STX12: variants seen among roughly 807,000 people sequenced by gnomAD.
STX12 encodes syntaxin 12.
A neutral mutation model predicts 42.2 loss-of-function variants in STX12; 17 were observed. The observed-to-expected ratio is 0.40, with a 90% CI of 0.28 to 0.60. The LOEUF is 0.60. Among genes scored for constraint, STX12 ranks in the 20% least tolerant of loss-of-function variants. The pLI, the probability that STX12 is intolerant of heterozygous loss-of-function variation, is 0.39. For synonymous variants in STX12, 108 were observed against 116.7 expected (o/e 0.93, Z 0.48); for missense variants, 297 against 330.9 (o/e 0.90, Z 0.79).
At chr1:27,775,741 T>C (rs528524434) in intron 1 of STX12, among the ~76,000 whole-genome samples, 3 of 152,290 alleles carry the variant, frequency 2.0e-5, no homozygotes, top group African/African-American at 7.2e-5. Context: ...TGTTTTTAAT[T>C]GAGAAGGCAT....
rs1451863560 is a variant in STX12 at position 27,819,692 on chromosome 1, A to C, written c.692A>C (p.Glu231Ala). The C allele has an allele frequency of 1.1e-5, 18 of 1,613,888 alleles. No individual in the cohort carries two copies. The highest frequency in any genetic ancestry group is 1.4e-5 in the Non-Finnish European group (17 of 1,179,900). ...ANVESSEVHV[E>A]RATEQLQRAA... ...GTGGAAAGCTCAGAGGTGCACGTCG[A>C]AAGAGCCACTGAACAGTTACAGCGA... Residue 231 changes from glutamate (E) to alanine (A), a missense_variant, in exon 8 of 9, where the codon GAA becomes GCA. Glu to Ala is a moderately radical substitution (Grantham distance 107). Transcript: ENST00000373943.
chr1:27,822,011 C>CTT (rs2088987880), intron 8 of STX12, among the ~76,000 whole-genome samples: 1 of 151,666 alleles, frequency 6.6e-6, no homozygotes, highest in South Asian at 2.1e-4. Context: ...GAGTGAGACT[C>CTT]TGTCTCAAGA....
chr1:27,819,889 T>C, intron 8 of STX12, 157 bp downstream of exon 8: 1 of 571,814 alleles, frequency 1.7e-6, no homozygotes, highest in Admixed American at 3.2e-5. Context: ...ATTATTTTCC[T>C]TTGCAGATAG....
chr1:27,815,961 A>AAC (rs2088938227), intron 6 of STX12, among the ~76,000 whole-genome samples: 1 of 151,828 alleles, frequency 6.6e-6, no homozygotes, highest in African/African-American at 2.4e-5. Context: ...GGATCAGTTG[A>AAC]GGTCAGGAAT....
At chr1:27,806,767 G>A (rs926901905) in intron 4 of STX12, among the ~76,000 whole-genome samples, 3 of 152,144 alleles carry the variant, frequency 2.0e-5, no homozygotes, top group African/African-American at 7.2e-5. Context: ...TCACAGTTCT[G>A]CGTGGCTGGA....
chr1:27,813,242 C>T (rs974677600), intron 6 of STX12, among the ~76,000 whole-genome samples: 10 of 151,504 alleles, frequency 6.6e-5, no homozygotes, highest in African/African-American at 2.4e-4. Context: ...ATGACACTAT[C>T]TCAGCTTACT....
At chr1:27,807,805 G>A (rs1333438283) in intron 4 of STX12, among the ~76,000 whole-genome samples, 2 of 152,126 alleles carry the variant, frequency 1.3e-5, no homozygotes, top group Non-Finnish European at 1.5e-5. Flanking sequence ...ACTGTAGAAT[G>A]GATAAATTGT....
At chr1:27,792,277 T>TATATGTAGATACATATATATGTATCTAC (rs2088753066) in intron 2 of STX12, among the ~76,000 whole-genome samples, 1 of 127,942 alleles carries the variant, frequency 7.8e-6, no homozygotes, top group Non-Finnish European at 1.6e-5. Context: ...TATGTATCTA[T>TATATGTAGATACATATATATGTATCTAC]ATATATGTAG....
intron 7 of STX12, 114 bp from the exon 8 acceptor site, chr1:27,819,536 G>A: frequency 1.3e-6 from 1 of 787,312 alleles, no homozygotes; most frequent in Non-Finnish European, 2.0e-6. Flanking sequence ...TTTCATGGCT[G>A]GATAGTTTGG....
chr1:27,803,644 A>T (rs2088840521), intron 4 of STX12, among the ~76,000 whole-genome samples: 1 of 152,250 alleles, frequency 6.6e-6, no homozygotes, highest in Admixed American at 6.5e-5. Flanking sequence ...AAGATGTGAA[A>T]AGACTAGTCA....
chr1:27,813,769 TAATA>T (rs1330832115), intron 6 of STX12, among the ~76,000 whole-genome samples: 3 of 152,346 alleles, frequency 2.0e-5, no homozygotes, highest in Non-Finnish European at 2.9e-5. Flanking sequence ...TGGTTCAAAC[TAATA>T]AATCATAATT....
intron 1 of STX12, among the ~76,000 whole-genome samples, chr1:27,780,278 G>A (rs1390422471): frequency 1.4e-5 from 2 of 146,564 alleles, no homozygotes; most frequent in East Asian, 4.0e-4. Flanking sequence ...GGGGCGATCA[G>A]GCTCATTGCA....
chr1:27,808,276 G>GA (rs2088878087), intron 4 of STX12, among the ~76,000 whole-genome samples: 1 of 151,704 alleles, frequency 6.6e-6, no homozygotes, highest in Middle Eastern at 3.2e-3. Flanking sequence ...TTTTAAAAAT[G>GA]AAAATACATT....
intron 4 of STX12, chr1:27,810,001 G>A (rs557704186): frequency 5.8e-6 from 2 of 344,816 alleles, no homozygotes; most frequent in African/African-American, 2.1e-5. Context: ...TTTCTCCTAC[G>A]CATATTATTC....
chr1:27,811,667 C>A (rs2088904353), intron 5 of STX12, among the ~76,000 whole-genome samples: 1 of 151,794 alleles, frequency 6.6e-6, no homozygotes, highest in Non-Finnish European at 1.5e-5. Flanking sequence ...AAAGCATAAC[C>A]CCAAGGAAAT....
chr1:27,808,308 G>GTTTT (rs1204192436), intron 4 of STX12, among the ~76,000 whole-genome samples: 40 of 145,718 alleles, frequency 2.7e-4, no homozygotes, highest in Non-Finnish European at 5.2e-4. Context: ...TTTTTGCTTT[G>GTTTT]TTTTTTATTT....
intron 2 of STX12, 73 bp from the exon 3 acceptor site, chr1:27,793,460 G>A: frequency 7.7e-7 from 1 of 1,290,346 alleles, no homozygotes; most frequent in East Asian, 2.4e-5. Flanking sequence ...GAGACACTCT[G>A]AGAACAAAGT....
At chr1:27,817,445 T>A (rs1266517697) in intron 6 of STX12, among the ~76,000 whole-genome samples, 1 of 152,214 alleles carries the variant, frequency 6.6e-6, no homozygotes, top group Non-Finnish European at 1.5e-5. Flanking sequence ...GATAGCATGA[T>A]CTTGTATAAA....
intron 1 of STX12, among the ~76,000 whole-genome samples, chr1:27,781,584 A>C (rs1333064071): frequency 6.6e-6 from 1 of 152,196 alleles, no homozygotes. Flanking sequence ...TCCCTGCTAC[A>C]TAGTAAGTGC....
Sources: allele counts gnomAD v4.1 joint callset (sites outside exome capture counted in the v4.1 genomes callset), GRCh38; gene constraint gnomAD v4.1.1; transcripts MANE v1.5; gene names NCBI Gene and HGNC (gene_info 2026-07-23, HGNC 2026-07-21).